The following SNTB1 variants were observed in gnomAD, a reference collection of about 807,000 sequenced individuals.
The protein encoded by SNTB1 is beta-1-syntrophin.
In SNTB1, 36 loss-of-function variants were observed where a neutral mutation model predicts 48.9. The ratio of observed to expected loss-of-function variants is 0.74; its 90% confidence interval spans 0.56 to 0.97. SNTB1 has a LOEUF of 0.97. Ranked by LOEUF, SNTB1 falls within the 50% of genes least tolerant of loss-of-function variation. The pLI is 0.00. For missense variants in SNTB1, 786 were observed against 703.4 expected (o/e 1.12, Z -1.33); for synonymous variants, 299 against 294.6 (o/e 1.01, Z -0.15).
intron 1 of SNTB1, among the ~76,000 whole-genome samples, chr8:120,734,875 G>A (rs1286367756): frequency 2.0e-5 from 3 of 152,170 alleles, no homozygotes; most frequent in African/African-American, 7.2e-5. Flanking sequence ...GGGTCCAGAT[G>A]GTTAAAGGAT....
intron 4 of SNTB1, among the ~76,000 whole-genome samples, chr8:120,551,133 G>T (rs1281520130): frequency 6.6e-6 from 1 of 151,748 alleles, no homozygotes; most frequent in Non-Finnish European, 1.5e-5. Context: ...GCACGCACCT[G>T]TAATTCCAGC....
intron 2 of SNTB1, among the ~76,000 whole-genome samples, chr8:120,690,998 C>A (rs927855038): frequency 5.9e-5 from 9 of 152,168 alleles, no homozygotes; most frequent in African/African-American, 2.2e-4. Flanking sequence ...CTCTCCCTCT[C>A]CCACAGGGGA....
chr8:120,684,167 T>C (rs1817987548), intron 2 of SNTB1, among the ~76,000 whole-genome samples: 1 of 152,200 alleles, frequency 6.6e-6, no homozygotes, highest in South Asian at 2.1e-4. Context: ...TGGGCTCTTT[T>C]ATAAAGGCAC....
intron 2 of SNTB1, among the ~76,000 whole-genome samples, chr8:120,649,488 G>C (rs1373381819): frequency 1.4e-5 from 2 of 141,294 alleles, no homozygotes; most frequent in African/African-American, 5.3e-5. Context: ...CGGGGGTCAG[G>C]GGTCAGGGAC....
intron 1 of SNTB1, among the ~76,000 whole-genome samples, chr8:120,755,430 G>GCCAATAT (rs1819302706): frequency 6.6e-6 from 1 of 152,058 alleles, no homozygotes; most frequent in Non-Finnish European, 1.5e-5. Flanking sequence ...TGATCAGGGA[G>GCCAATAT]AGCCAAACTA....
At chr8:120,584,974 T>C (rs1264721122) in intron 3 of SNTB1, among the ~76,000 whole-genome samples, 1 of 152,114 alleles carries the variant, frequency 6.6e-6, no homozygotes, top group African/African-American at 2.4e-5. Flanking sequence ...AACATATTCT[T>C]CCTTATGTCG....
intron 1 of SNTB1, among the ~76,000 whole-genome samples, chr8:120,733,844 T>C (rs1237189439): frequency 1.3e-5 from 2 of 152,234 alleles, no homozygotes; most frequent in Non-Finnish European, 2.9e-5. Context: ...TAGGCTGCTA[T>C]AATTATTGTA....
chr8:120,630,106 G>T (rs962076901), intron 3 of SNTB1, among the ~76,000 whole-genome samples: 7 of 152,194 alleles, frequency 4.6e-5, no homozygotes, highest in Admixed American at 4.6e-4. Flanking sequence ...GTAGATGCAG[G>T]GTTGCATGTG....
intron 2 of SNTB1, among the ~76,000 whole-genome samples, chr8:120,679,985 T>A (rs558726158): frequency 6.6e-6 from 1 of 152,200 alleles, no homozygotes; most frequent in Non-Finnish European, 1.5e-5. Flanking sequence ...TAGAACTATA[T>A]TTTTTCTTGC....
intron 2 of SNTB1, among the ~76,000 whole-genome samples, chr8:120,642,360 G>A (rs1817210303): frequency 6.6e-6 from 1 of 152,172 alleles, no homozygotes; most frequent in African/African-American, 2.4e-5. Flanking sequence ...AAATCATTCA[G>A]TTAAATATAA....
intron 2 of SNTB1, among the ~76,000 whole-genome samples, chr8:120,678,405 A>G (rs6999849): frequency 0.061 from 9,356 of 152,158 alleles, 926 homozygotes; most frequent in African/African-American, 0.21. Context: ...GAGAAGAGTA[A>G]AAAACGAATG....
chr8:120,542,741 C>T (rs1639220373), intron 5 of SNTB1, among the ~76,000 whole-genome samples: 1 of 151,828 alleles, frequency 6.6e-6, no homozygotes, highest in South Asian at 2.1e-4. Flanking sequence ...CACACACACA[C>T]AATTATATCT....
intron 3 of SNTB1, among the ~76,000 whole-genome samples, chr8:120,611,373 A>G (rs1408679361): frequency 6.6e-6 from 1 of 152,218 alleles, no homozygotes; most frequent in Non-Finnish European, 1.5e-5. Flanking sequence ...ATCGTTAATA[A>G]GGAAACTGGG....
At chr8:120,785,530 T>C (rs561267764) in intron 1 of SNTB1, among the ~76,000 whole-genome samples, 1 of 152,344 alleles carries the variant, frequency 6.6e-6, no homozygotes, top group African/African-American at 2.4e-5. Flanking sequence ...GGAACATTAC[T>C]GCAGCAGCCT....
At chr8:120,722,717 C>G (rs1232755600) in intron 1 of SNTB1, among the ~76,000 whole-genome samples, 1 of 152,144 alleles carries the variant, frequency 6.6e-6, no homozygotes, top group African/African-American at 2.4e-5. Context: ...ACAGTAGTTT[C>G]TTTTGCTGTG....
chr8:120,596,073 A>G (rs1287848815), intron 3 of SNTB1, among the ~76,000 whole-genome samples: 1 of 152,204 alleles, frequency 6.6e-6, no homozygotes, highest in Non-Finnish European at 1.5e-5. Context: ...CCCATGTTCA[A>G]TGACATACGT....
At chr8:120,795,517 A>G (rs1401131073) in intron 1 of SNTB1, among the ~76,000 whole-genome samples, 1 of 148,456 alleles carries the variant, frequency 6.7e-6, no homozygotes, top group Non-Finnish European at 1.5e-5. Context: ...TATTTGACAA[A>G]GAGAAAAAAT....
Position 120,811,669 on chromosome 8 carries a change from C to A in SNTB1, c.175G>T (p.Gly59Cys). 1 of 1,592,714 alleles carries A rather than the reference C, an allele frequency of 6.3e-7. No individual in the cohort carries two copies. Among genetic ancestry groups the A allele is most frequent in the African/African-American group, 1.4e-5 (1 of 72,020 alleles). ...SSEEGAAAYN[G>C]IGTATNGSFC... ...GAGCCATTGGTGGCGGTCCCGATGC[C>A]GTTGTACGCCGCAGCGCCCTCCTCG... The change falls in exon 1 of 7, where the codon GGC becomes TGC. Residue 59 changes from glycine to cysteine, a missense_variant. Gly to Cys is a radical substitution (Grantham distance 159). Transcript: ENST00000517992.
chr8:120,638,895 T>C (rs1362906737), intron 2 of SNTB1, among the ~76,000 whole-genome samples: 1 of 152,248 alleles, frequency 6.6e-6, no homozygotes, highest in East Asian at 1.9e-4. Context: ...AGCAGCATGA[T>C]TTATAATCCT....
Sources: gnomAD v4.1 joint callset for allele counts (sites outside exome capture counted in the v4.1 genomes callset) on GRCh38, gnomAD v4.1.1 for gene constraint, MANE v1.5 for transcripts, NCBI Gene and HGNC (gene_info 2026-07-23, HGNC 2026-07-21) for gene names.